Variants in EHBP1 observed in about 807,000 individuals in gnomAD.
The protein encoded by EHBP1 is EH domain binding protein 1.
EHBP1 carries 55 observed loss-of-function variants against 144.0 expected under a neutral mutation model. That is an observed-to-expected ratio of 0.38 (90% CI 0.31 to 0.48). The LOEUF (loss-of-function observed/expected upper bound fraction) is 0.48, where lower values mean the gene tolerates loss of function less well. EHBP1 is among the 20% of genes least tolerant of loss of function. The probability of loss-of-function intolerance (pLI) is 0.98; values close to 1 mark genes in which losing one functional copy is unlikely to be tolerated. For missense variants in EHBP1, 1,200 were observed against 1,364.2 expected (o/e 0.88, Z 1.90); for synonymous variants, 469 against 472.7 (o/e 0.99, Z 0.10).
chr2:62,947,618 G>A (rs2057138471), intron 12 of EHBP1, among the ~76,000 whole-genome samples: 1 of 152,066 alleles, frequency 6.6e-6, no homozygotes, highest in Admixed American at 6.6e-5. Flanking sequence ...TTCAAAACTA[G>A]AAAAACCTGA....
At chr2:62,885,750 T>C (rs572820465) in intron 10 of EHBP1, among the ~76,000 whole-genome samples, 1 of 152,272 alleles carries the variant, frequency 6.6e-6, no homozygotes, top group South Asian at 2.1e-4. Context: ...TCTGATTGCA[T>C]AGAAAAGAGC....
chr2:62,899,038 T>C (rs2053182448), intron 10 of EHBP1, among the ~76,000 whole-genome samples: 1 of 152,134 alleles, frequency 6.6e-6, no homozygotes, highest in South Asian at 2.1e-4. Context: ...TTTTGTGAAA[T>C]AGGCAATTAA....
chr2:62,999,954 AC>A (rs1405614053), intron 19 of EHBP1, among the ~76,000 whole-genome samples: 1 of 152,194 alleles, frequency 6.6e-6, no homozygotes, highest in Non-Finnish European at 1.5e-5. Context: ...AGCCAGACAA[AC>A]CCACAAAAAC....
intron 7 of EHBP1, among the ~76,000 whole-genome samples, chr2:62,855,386 A>G (rs2048967719): frequency 6.6e-6 from 1 of 152,266 alleles, no homozygotes; most frequent in Non-Finnish European, 1.5e-5. Flanking sequence ...GGGCAGCTCC[A>G]TGCTGGCCTG....
At chr2:62,793,055 A>G (rs986991576) in intron 5 of EHBP1, among the ~76,000 whole-genome samples, 1 of 152,108 alleles carries the variant, frequency 6.6e-6, no homozygotes, top group African/African-American at 2.4e-5. Flanking sequence ...AATTGATTTT[A>G]ATTTAGCATT....
At chr2:62,927,850 C>T (rs146939966) in intron 10 of EHBP1, among the ~76,000 whole-genome samples, 11 of 152,114 alleles carry the variant, frequency 7.2e-5, no homozygotes, top group South Asian at 2.1e-4. Flanking sequence ...TATGTTAAGC[C>T]ACAAATTAAG....
chr2:62,944,550 C>CACA (rs1158170496), intron 12 of EHBP1, among the ~76,000 whole-genome samples: 1 of 152,140 alleles, frequency 6.6e-6, no homozygotes, highest in East Asian at 1.9e-4. Context: ...GTGATGTTTG[C>CACA]ACAACAACAA....
Position 62,831,130 on chromosome 2 carries a change from C to T in EHBP1, c.606C>T (p.Asn202=). 1 of 1,598,880 alleles carries T rather than the reference C, an allele frequency of 6.3e-7. No homozygotes were observed. The highest frequency in any genetic ancestry group is 8.5e-7 in the Non-Finnish European group (1 of 1,175,544). The change falls in exon 7 of 23, where the codon AAC becomes AAT. Residue 202 remains asparagine, a synonymous_variant. Transcript: ENST00000431489. ...DNEDDDENRV[N]QEEKAAKITE... ...AAGATGATGATGAGAACAGAGTGAA[C>T]CAAGAAGAAAAGGCAGCTAAAATTA...
chr2:62,747,087 A>G (rs979594730), intron 2 of EHBP1, among the ~76,000 whole-genome samples: 2 of 152,090 alleles, frequency 1.3e-5, no homozygotes, highest in African/African-American at 4.8e-5. Flanking sequence ...GTGTTAATTT[A>G]TGGAGAAGAT....
chr2:62,841,407 G>A (rs1481126749), intron 7 of EHBP1, among the ~76,000 whole-genome samples: 5 of 151,514 alleles, frequency 3.3e-5, no homozygotes, highest in African/African-American at 1.2e-4. Context: ...GAGTTAGTGG[G>A]TGCAGTGCAC....
At chr2:62,951,059 A>T (rs1317871598) in intron 13 of EHBP1, among the ~76,000 whole-genome samples, 18 of 152,212 alleles carry the variant, frequency 1.2e-4, no homozygotes, top group Admixed American at 1.2e-3. Context: ...CTGATTGATA[A>T]TGGCACTTTC....
chr2:62,926,835 A>G (rs1430224837), intron 10 of EHBP1, among the ~76,000 whole-genome samples: 3 of 152,158 alleles, frequency 2.0e-5, no homozygotes, highest in African/African-American at 7.2e-5. Flanking sequence ...TCCTCCTACT[A>G]CTGAGTATTT....
chr2:63,027,250 G>T (rs1364596616), intron 19 of EHBP1, among the ~76,000 whole-genome samples: 1 of 152,116 alleles, frequency 6.6e-6, no homozygotes, highest in African/African-American at 2.4e-5. Context: ...GAAAGTTATT[G>T]GTTGTCAGTG....
intron 2 of EHBP1, among the ~76,000 whole-genome samples, chr2:62,729,577 AAATAT>A (rs2037285141): frequency 7.8e-6 from 1 of 128,242 alleles, no homozygotes; most frequent in East Asian, 2.0e-4. Flanking sequence ...TATAATAAAT[AAATAT>A]AATAATAATA....
chr2:62,794,185 T>G (rs1275067267), intron 5 of EHBP1, among the ~76,000 whole-genome samples: 4 of 152,116 alleles, frequency 2.6e-5, no homozygotes, highest in African/African-American at 9.7e-5. Flanking sequence ...TTTATTTTTC[T>G]TCACTCCACT....
Position 62,948,720 on chromosome 2 carries a change from C to G in EHBP1, c.1874C>G (p.Ser625Cys), listed in dbSNP as rs770372860. 3.7e-6 allele frequency: 6 copies of G among 1,613,938 alleles called. No individual in the cohort carries two copies. In the East Asian group the frequency reaches 8.9e-5, roughly 24 times the overall value. ...DTEPQKSQQS[S>C]GRTSGSDDPG... ...GAACCCCAGAAGTCTCAGCAGAGCT[C>G]TGGAAGGACTTCAGGATCTGATGAC... The change falls in exon 13 of 23, where the codon TCT becomes TGT. Residue 625 changes from serine to cysteine, a missense_variant. Transcript: ENST00000431489.
At chr2:62,815,226 C>A (rs898850821) in intron 5 of EHBP1, among the ~76,000 whole-genome samples, 2 of 152,100 alleles carry the variant, frequency 1.3e-5, no homozygotes, top group African/African-American at 4.8e-5. Context: ...AAAGCTAAGA[C>A]CCCAGATTTG....
chr2:63,016,651 G>A (rs1160946218), intron 19 of EHBP1, among the ~76,000 whole-genome samples: 5 of 152,042 alleles, frequency 3.3e-5, no homozygotes, highest in Admixed American at 6.5e-5. Flanking sequence ...GGCTGGTCTC[G>A]AACTCCTGAG....
At chr2:63,019,830 G>GGAAGGAA in intron 19 of EHBP1, among the ~76,000 whole-genome samples, 1 of 34,782 alleles carries the variant, frequency 2.9e-5, no homozygotes, top group Admixed American at 3.6e-4. Context: ...AAGAGGGGGA[G>GGAAGGAA]GGAAGGAAGG....
Sources: allele counts gnomAD v4.1 joint callset (sites outside exome capture counted in the v4.1 genomes callset), GRCh38; gene constraint gnomAD v4.1.1; transcripts MANE v1.5; gene names NCBI Gene and HGNC (gene_info 2026-07-23, HGNC 2026-07-21).